ASTN2: variants seen among roughly 807,000 people sequenced by gnomAD.
ASTN2 encodes the protein astrotactin-2.
In ASTN2, 54 loss-of-function variants were observed where a neutral mutation model predicts 139.8. The observed-to-expected ratio is 0.39, with a 90% CI of 0.31 to 0.48. ASTN2 has a LOEUF of 0.48. Ranked by LOEUF, ASTN2 falls within the 20% of genes least tolerant of loss-of-function variation. The pLI, the probability that ASTN2 is intolerant of heterozygous loss-of-function variation, is 0.95. For synonymous variants in ASTN2, 756 were observed against 719.5 expected (o/e 1.05, Z -0.81); for missense variants, 1,565 against 1,725.1 (o/e 0.91, Z 1.64).
rs111855357 is a variant in ASTN2 at position 117,022,009 on chromosome 9, A to G, written c.1424-13750T>C. ...TAACCAAGACTCCTGCTTGAACAAC[A>G]TATTAGCTTTGGATATAGCAGTGTA... On this transcript the variant is annotated intron_variant, in intron 6 of 22. Transcript: ENST00000313400. Among the ~76,000 whole-genome samples the G allele has an allele frequency of 7.7e-3, 1,172 of 152,238 alleles. 8 individuals carry two copies. Among genetic ancestry groups the G allele is most frequent in the African/African-American group, 0.026 (1,089 of 41,562 alleles).
chr9:117,260,068 CT>C (rs893156199), intron 2 of ASTN2, among the ~76,000 whole-genome samples: 20 of 152,182 alleles, frequency 1.3e-4, no homozygotes, highest in African/African-American at 3.6e-4. Context: ...TGTCATCTCC[CT>C]TTTTCCCCAA....
intron 11 of ASTN2, among the ~76,000 whole-genome samples, chr9:116,862,161 T>C (rs941228465): frequency 6.6e-6 from 1 of 152,178 alleles, no homozygotes; most frequent in East Asian, 1.9e-4. Context: ...CTCCTGACCT[T>C]TGTCTGTTTC....
chr9:117,299,153 T>A (rs891415433), intron 1 of ASTN2, among the ~76,000 whole-genome samples: 2 of 152,132 alleles, frequency 1.3e-5, no homozygotes, highest in Admixed American at 1.3e-4. Flanking sequence ...GGAAAAAAAA[T>A]ACACTGGACC....
intron 10 of ASTN2, among the ~76,000 whole-genome samples, chr9:116,923,573 T>C (rs1834672424): frequency 6.6e-6 from 1 of 152,218 alleles, no homozygotes; most frequent in Non-Finnish European, 1.5e-5. Context: ...TTGGTGTTCT[T>C]TGATGAGGCT....
At chr9:116,836,975 C>T (rs1218016585) in intron 11 of ASTN2, among the ~76,000 whole-genome samples, 1 of 151,740 alleles carries the variant, frequency 6.6e-6, no homozygotes, top group African/African-American at 2.4e-5. Flanking sequence ...ATCCTTCATA[C>T]AAAAAAGTTG....
chr9:117,037,351 G>C (rs567072874), intron 6 of ASTN2, among the ~76,000 whole-genome samples: 1 of 151,950 alleles, frequency 6.6e-6, no homozygotes, highest in South Asian at 2.1e-4. Flanking sequence ...CTATTTCCCA[G>C]CTGTTCACCA....
At chr9:117,203,552 T>G (rs550042479) in intron 3 of ASTN2, among the ~76,000 whole-genome samples, 1 of 152,132 alleles carries the variant, frequency 6.6e-6, no homozygotes, top group African/African-American at 2.4e-5. Context: ...GTTGTTGTTG[T>G]GGATGATGCT....
chr9:117,065,158 T>C (rs1278068620), intron 5 of ASTN2, among the ~76,000 whole-genome samples: 1 of 152,060 alleles, frequency 6.6e-6, no homozygotes, highest in African/African-American at 2.4e-5. Context: ...TCCAGGAGGC[T>C]AGGAGGAAGC....
chr9:116,622,795 G>A (rs1026505632), intron 17 of ASTN2, among the ~76,000 whole-genome samples: 8 of 152,198 alleles, frequency 5.3e-5, no homozygotes, highest in African/African-American at 1.9e-4. Flanking sequence ...AAGTGTCTGG[G>A]CCAGGGTGTG....
chr9:116,908,635 C>T (rs1834230107), intron 10 of ASTN2, among the ~76,000 whole-genome samples: 1 of 152,162 alleles, frequency 6.6e-6, no homozygotes, highest in South Asian at 2.1e-4. Flanking sequence ...AATCAACTGG[C>T]ATCAAACTAC....
chr9:117,115,177 T>C (rs1183327283), intron 4 of ASTN2, among the ~76,000 whole-genome samples: 1 of 152,212 alleles, frequency 6.6e-6, no homozygotes, highest in Non-Finnish European at 1.5e-5. Context: ...GTGAGTCACT[T>C]GAGCTCTCTA....
rs71379247 is a variant in ASTN2, at chr9:116,964,257, G to GCA, written c.1889+10950_1889+10951insTG. On this transcript the variant is annotated intron_variant, in intron 10 of 22. Transcript: ENST00000313400. ...TGTGTGTGTGTGTGTGTGTGTGTGT[G>GCA]CGCGCGCGCGCGTGTGTGTTGACTA... Among the ~76,000 whole-genome samples the GCA allele has an allele frequency of 4.5e-4, 34 of 75,934 alleles. 1 individual carries two copies. The South Asian group carries it at 5.9e-3, about 13-fold the overall frequency. The allele number at this position is 75,934 out of a possible 152,430, so 49.8% of individuals were successfully genotyped here. A position where few individuals can be genotyped will look rare whatever the true frequency, so the allele number is the denominator to read the frequency against.
chr9:117,214,012 C>T (rs1832226743), intron 3 of ASTN2, among the ~76,000 whole-genome samples: 1 of 152,128 alleles, frequency 6.6e-6, no homozygotes, highest in Non-Finnish European at 1.5e-5. Flanking sequence ...AGAAGAAACC[C>T]TCTAATAGTC....
At chr9:117,014,365 G>A (rs1837619332) in intron 6 of ASTN2, among the ~76,000 whole-genome samples, 1 of 152,120 alleles carries the variant, frequency 6.6e-6, no homozygotes, top group African/African-American at 2.4e-5. Flanking sequence ...GGGTTTTTGA[G>A]TATGGGTAAA....
At chr9:117,042,962 C>T (rs377057243) in intron 5 of ASTN2, among the ~76,000 whole-genome samples, 8 of 152,114 alleles carry the variant, frequency 5.3e-5, no homozygotes, top group East Asian at 3.9e-4. Context: ...TTTCCGCCTC[C>T]TGGGTTCAAG....
rs980227874 is a variant in ASTN2 at position 116,614,580 on chromosome 9, C to A, written c.3355+3744G>T. On this transcript the variant is annotated intron_variant, in intron 19 of 22. Transcript: ENST00000313400. Reference sequence around the variant, plus strand: ...CGGAAACAATACCACACATCTATAACCATCTGATCTTTGACAAATCTGACA... The same window carrying A: ...CGGAAACAATACCACACATCTATAAACATCTGATCTTTGACAAATCTGACA... Among the ~76,000 whole-genome samples the A allele has an allele frequency of 3.9e-5, 6 of 152,088 alleles. No individual in the cohort carries two copies. The East Asian group carries it at 7.7e-4, about 20-fold the overall frequency.
intron 1 of ASTN2, among the ~76,000 whole-genome samples, chr9:117,357,115 C>T (rs1829561086): frequency 6.6e-6 from 1 of 152,144 alleles, no homozygotes; most frequent in African/African-American, 2.4e-5. Context: ...CCAAGGCTGA[C>T]TTACCCATCA....
intron 11 of ASTN2, among the ~76,000 whole-genome samples, chr9:116,861,127 C>T (rs1832865841): frequency 6.6e-6 from 1 of 151,770 alleles, no homozygotes; most frequent in Non-Finnish European, 1.5e-5. Context: ...TCTCTTATCC[C>T]CTAGGGAATG....
rs73655481 is a variant in ASTN2, at chr9:116,741,934, C to T, written c.2397-8411G>A. Among the ~76,000 whole-genome samples the T allele has an allele frequency of 1.0e-3, 152 of 152,296 alleles. 2 individuals carry two copies. The highest frequency in any genetic ancestry group is 3.6e-3 in the African/African-American group (148 of 41,566). On this transcript the variant is annotated intron_variant, in intron 13 of 22. Transcript: ENST00000313400. Reference sequence around the variant, plus strand: ...TGATTCCTTCATTTAACCATTCATTCGTTCATTCATTCATTCCTTCATTCA... The same window carrying T: ...TGATTCCTTCATTTAACCATTCATTTGTTCATTCATTCATTCCTTCATTCA...
Sources: gnomAD v4.1 joint callset for allele counts (sites outside exome capture counted in the v4.1 genomes callset) on GRCh38, gnomAD v4.1.1 for gene constraint, MANE v1.5 for transcripts, NCBI Gene and HGNC (gene_info 2026-07-23, HGNC 2026-07-21) for gene names.